BSN: variants seen among roughly 807,000 people sequenced by gnomAD.
The protein encoded by BSN is protein bassoon.
BSN carries 57 observed loss-of-function variants against 264.8 expected under a neutral mutation model. That is an observed-to-expected ratio of 0.22 (90% confidence interval 0.17 to 0.27). The LOEUF (loss-of-function observed/expected upper bound fraction) is 0.27. Among genes scored for constraint, BSN ranks in the 10% least tolerant of loss-of-function variants. The pLI, the probability that BSN is intolerant of heterozygous loss-of-function variation, is 1.00. For missense variants in BSN, 4,615 were observed against 5,232.5 expected, an observed-to-expected ratio of 0.88 and a Z score of 3.64; for synonymous variants, 2,059 against 2,137.3, an observed-to-expected ratio of 0.96 and a Z score of 1.01.
At chr3:49,641,805 C>T (rs1178707076) in intron 2 of BSN, 1 of 155,790 alleles carries the variant, frequency 6.4e-6, no homozygotes, top group Non-Finnish European at 1.4e-5. Context: ...TACTGAATAC[C>T]CATTGCATAT....
In BSN at chr3:49,624,967, C is replaced by T. The variant is rs763800329; in HGVS notation, c.225-8C>T. On this transcript the variant is annotated splice_region_variant and splice_polypyrimidine_tract_variant and intron_variant, in intron 1 of 11. Transcript: ENST00000296452. ...TATCTCTAACAGTCATTTTCAATGT[C>T]ATTTCAGCACTTCCCGGAGACTGGA... is the stretch of plus-strand genomic sequence containing the variant. 4 of 1,502,646 alleles carry T rather than the reference C, an allele frequency of 2.7e-6. No homozygotes were observed. Among genetic ancestry groups the T allele is most frequent in the Non-Finnish European group, 3.6e-6 (4 of 1,125,656 alleles). The allele number at this position is 1,502,646 out of a possible 1,614,324, so 93.1% of individuals were successfully genotyped here. A position where few individuals can be genotyped will look rare whatever the true frequency, so the allele number is the denominator to read the frequency against.
In BSN at chr3:49,651,295, A is replaced by G; in HGVS notation, c.1986+216A>G. The G allele has an allele frequency of 3.1e-6, 2 of 636,724 alleles. No individual in the cohort carries two copies. Among genetic ancestry groups the G allele is most frequent in the Non-Finnish European group, 2.6e-6 (1 of 382,826 alleles). The allele number at this position is 636,724 out of a possible 1,614,324, so 39.4% of individuals were successfully genotyped here. On this transcript the variant is annotated intron_variant, in intron 4 of 11. Coordinates refer to ENST00000296452, the MANE Select transcript of BSN (RefSeq NM_003458.4). This position sits in a 1 kb window ranked among gnomAD's most constrained non-coding sequence, Gnocchi z 5.4. ...GGTGCTGTGTCTGGCACCTTGTCAG[A>G]TGCTTTGCTGGGTTTTGATACCCTT...
At chr3:49,633,118 A>C (rs568493595) in intron 2 of BSN, among the ~76,000 whole-genome samples, 2 of 152,062 alleles carry the variant, frequency 1.3e-5, no homozygotes, top group East Asian at 3.9e-4. Context: ...ACTGGCCAAC[A>C]TGGAGAAACT....
chr3:49,637,778 C>T (rs1464697213), intron 2 of BSN, among the ~76,000 whole-genome samples: 2 of 152,336 alleles, frequency 1.3e-5, no homozygotes, highest in Non-Finnish European at 2.9e-5. Flanking sequence ...CCTGCAGCTT[C>T]TGCTTCCCCC....
chr3:49,665,253 A>T lies in BSN; in HGVS notation c.*39A>T, dbSNP rs2052704224. The T allele has an allele frequency of 5.8e-6, 1 of 171,140 alleles. No individual in the cohort carries two copies. Among genetic ancestry groups the T allele is most frequent in the Non-Finnish European group, 1.2e-5 (1 of 80,980 alleles). 10.6% of individuals were successfully genotyped at this position (171,140 alleles called of 1,614,324 possible). A position where few individuals can be genotyped will look rare whatever the true frequency, so the allele number is the denominator to read the frequency against. On this transcript the variant is annotated 3_prime_UTR_variant, in exon 11 of 12. Coordinates refer to ENST00000296452, the MANE Select transcript of BSN (RefSeq NM_003458.4). ...GGCTCTTGAAGAAATGAAGAGAGGTATCATTGCTGTGGAAAAATCTCTGGA... is the reference window on the plus strand; with the variant it reads ...GGCTCTTGAAGAAATGAAGAGAGGTTTCATTGCTGTGGAAAAATCTCTGGA...
intron 1 of BSN, among the ~76,000 whole-genome samples, chr3:49,571,543 T>C (rs1245162055): frequency 6.6e-6 from 1 of 152,026 alleles, no homozygotes; most frequent in Non-Finnish European, 1.5e-5. Flanking sequence ...ACTCATAGGA[T>C]GGAGTTTGGT....
At chr3:49,580,890 ACTAT>A (rs969240159) in intron 1 of BSN, among the ~76,000 whole-genome samples, 8 of 152,142 alleles carry the variant, frequency 5.3e-5, no homozygotes, top group Non-Finnish European at 8.8e-5. Context: ...AACCATCACC[ACTAT>A]CTATTTCTAA....
At chr3:49,596,046 G>C (rs1165624051) in intron 1 of BSN, among the ~76,000 whole-genome samples, 1 of 152,084 alleles carries the variant, frequency 6.6e-6, no homozygotes, top group East Asian at 1.9e-4. Context: ...AATAACAATA[G>C]TGAGAGTATA....
rs1447335620 is a variant in BSN at position 49,653,230 on chromosome 3, G to A, written c.3674G>A (p.Gly1225Asp). The change falls in exon 5 of 12, where the codon GGC becomes GAC. Residue 1225 changes from glycine (G) to aspartate (D), a missense_variant. Coordinates refer to ENST00000296452, the MANE Select transcript of BSN (RefSeq NM_003458.4). The surrounding 1 kb of genome is among the most constrained non-coding windows in gnomAD (Gnocchi z 6.3). ...PSQPTGPRGL[G>D]SFEYQDTTDR... is the part of the protein sequence containing the mutation. Reference sequence around the variant, plus strand: ...CAGCCCACAGGCCCCCGGGGCCTGGGCTCCTTCGAATATCAAGACACTACA... The same window carrying A: ...CAGCCCACAGGCCCCCGGGGCCTGGACTCCTTCGAATATCAAGACACTACA... The A allele has an allele frequency of 6.2e-7, 1 of 1,612,184 alleles. No individual in the cohort carries two copies. Among genetic ancestry groups the A allele is most frequent in the Admixed American group, 1.7e-5 (1 of 59,822 alleles).
At chr3:49,645,625 T>C (rs1348742663) in intron 3 of BSN, among the ~76,000 whole-genome samples, 1 of 152,176 alleles carries the variant, frequency 6.6e-6, no homozygotes, top group Non-Finnish European at 1.5e-5. Flanking sequence ...CTGGTGCTGA[T>C]ATGTTCACCA....
At chr3:49,643,175 T>G in intron 3 of BSN, 23 bp downstream of exon 3, 1 of 1,585,664 alleles carries the variant, frequency 6.3e-7, no homozygotes, top group Non-Finnish European at 8.6e-7. Context: ...CCAAGCATGC[T>G]CCCTTGAACC....
At position 49,653,875 on chromosome 3, in the gene BSN, G is replaced by A; in HGVS notation, c.4319G>A (p.Ser1440Asn). 2 of 1,614,118 alleles carry A rather than the reference G, an allele frequency of 1.2e-6. No homozygotes were observed. The change falls in exon 5 of 12, where the codon AGT (serine) becomes AAT (asparagine). Residue 1440 changes from serine to asparagine, a missense_variant. Ser to Asn is a conservative substitution (Grantham distance 46, BLOSUM62 1). This residue lies in a region of BSN where 3,415 missense variants were observed against 3,866.4 expected (regional missense o/e 0.88). Transcript: ENST00000296452. The surrounding 1 kb of genome is among the most constrained non-coding windows in gnomAD (Gnocchi z 6.3). The stretch of plus-strand genomic sequence containing the variant: ...ACTGAGGATCTACCCCAGGCCCCCA[G>A]TGGCCTTGCTGCAGCTGGACGAGCT... ...SQTEDLPQAPSGLAAAGRAAR... is the reference protein window; with the variant it reads ...SQTEDLPQAPNGLAAAGRAAR...
intron 5 of BSN, among the ~76,000 whole-genome samples, chr3:49,659,245 C>G (rs1013446156): frequency 6.6e-6 from 1 of 151,990 alleles, no homozygotes; most frequent in African/African-American, 2.4e-5. Context: ...GATCAGGACT[C>G]TAGGCTGGCA....
chr3:49,644,654 G>A (rs1473518595), intron 3 of BSN, among the ~76,000 whole-genome samples: 1 of 152,154 alleles, frequency 6.6e-6, no homozygotes, highest in African/African-American at 2.4e-5. Flanking sequence ...TGGCTGCTCT[G>A]CCCAGAGACC....
intron 1 of BSN, among the ~76,000 whole-genome samples, chr3:49,612,766 A>G (rs569172921): frequency 9.2e-5 from 14 of 152,336 alleles, no homozygotes; most frequent in Middle Eastern, 3.4e-3. Context: ...AACAAAAGGA[A>G]CACAAAAATA....
intron 1 of BSN, among the ~76,000 whole-genome samples, chr3:49,599,421 C>T (rs1194528605): frequency 6.6e-6 from 1 of 152,088 alleles, no homozygotes; most frequent in African/African-American, 2.4e-5. Context: ...AGGTCTGCCT[C>T]TCTTGGGGTG....
At chr3:49,571,828 A>C (rs575549861) in intron 1 of BSN, among the ~76,000 whole-genome samples, 1 of 152,290 alleles carries the variant, frequency 6.6e-6, no homozygotes, top group Non-Finnish European at 1.5e-5. Context: ...GATGGCATGC[A>C]GTGGGGGTGG....
rs2052438306 is a variant in BSN at position 49,638,701 on chromosome 3, G to A, written c.634-3567G>A. Among the ~76,000 whole-genome samples the A allele has an allele frequency of 6.6e-6, 1 of 152,246 alleles. No individual in the cohort carries two copies. Among genetic ancestry groups the A allele is most frequent in the South Asian group, 2.1e-4 (1 of 4,838 alleles). On this transcript the variant is annotated intron_variant, in intron 2 of 11. Transcript: ENST00000296452. This position sits in a 1 kb window ranked among gnomAD's most constrained non-coding sequence, Gnocchi z 4.3. The stretch of plus-strand genomic sequence containing the variant: ...TTTTAGGTGAGATGCCTGTGCCACA[G>A]CCTGGATGACAGGGGCTGGGGAAAG...
chr3:49,652,734 C>G lies in BSN; in HGVS notation c.3178C>G (p.Arg1060Gly). Reference sequence around the variant, plus strand: ...GCTGCTTCGTGAGCAAGAGAAGATGCGGGAGGTGGAGCAGCAGCGCATCCG... The same window carrying G: ...GCTGCTTCGTGAGCAAGAGAAGATGGGGGAGGTGGAGCAGCAGCGCATCCG... ...EELLREQEKMREVEQQRIRST... is the reference protein window; with the variant it reads ...EELLREQEKMGEVEQQRIRST... Residue 1060 changes from arginine to glycine, a missense_variant, in exon 5 of 12, where the codon CGG becomes GGG. Physicochemically the swap from Arg to Gly is moderately radical, Grantham distance 125 (BLOSUM62 -2). This residue lies in a region of BSN where 3,415 missense variants were observed against 3,866.4 expected (regional missense o/e 0.88). Transcript: ENST00000296452. 6.4e-7 allele frequency: 1 copy of G among 1,561,518 alleles called. No homozygotes were observed.
Sources: gnomAD v4.1 joint callset for allele counts (sites outside exome capture counted in the v4.1 genomes callset) on GRCh38, gnomAD v4.1.1 for gene constraint, gnomAD v4.1.1 regional missense constraint, Gnocchi (gnomAD v3.1) non-coding constraint, MANE v1.5 for transcripts, NCBI Gene and HGNC (gene_info 2026-07-23, HGNC 2026-07-21) for gene names.